DISC1: variants seen among roughly 807,000 people sequenced by gnomAD.
DISC1 encodes the protein DISC1 scaffold protein, also known as disrupted in schizophrenia 1 protein.
DISC1 carries 57 observed loss-of-function variants against 84.5 expected under a neutral mutation model. The ratio of observed to expected loss-of-function variants is 0.67; its 90% CI spans 0.55 to 0.84. DISC1 has a LOEUF of 0.84. Ranked by LOEUF, DISC1 falls within the 40% of genes least tolerant of loss-of-function variation. The pLI is 0.00. For missense variants in DISC1, 1,000 were observed against 1,057.8 expected (o/e 0.95, Z 0.76); for synonymous variants, 411 against 415.2 (o/e 0.99, Z 0.12).
intron 1 of DISC1, among the ~76,000 whole-genome samples, chr1:231,628,150 TA>T (rs1469163319): frequency 6.6e-6 from 1 of 152,194 alleles, no homozygotes; most frequent in Non-Finnish European, 1.5e-5. Context: ...GTAGGGCATT[TA>T]AAAACACATG....
intron 9 of DISC1, among the ~76,000 whole-genome samples, chr1:231,950,570 T>A (rs1658187206): frequency 6.6e-6 from 1 of 152,222 alleles, no homozygotes. Context: ...AGCTTTTTAC[T>A]GACCTGCTTT....
chr1:231,813,516 C>A (rs918096641), intron 8 of DISC1: 2 of 152,300 alleles, frequency 1.3e-5, no homozygotes, highest in African/African-American at 2.4e-5. Flanking sequence ...TCCTCAGCTT[C>A]CTTGACTTGG....
At chr1:231,922,273 G>A (rs1375329479) in intron 9 of DISC1, among the ~76,000 whole-genome samples, 1 of 152,192 alleles carries the variant, frequency 6.6e-6, no homozygotes, top group Non-Finnish European at 1.5e-5. Context: ...CATGCACCTT[G>A]TCTTAGATGT....
rs74144136 is a variant in DISC1 at position 231,807,315 on chromosome 1, G to C, written c.1792+7105G>C. Among the ~76,000 whole-genome samples the C allele has an allele frequency of 7.7e-3, 1,171 of 152,330 alleles. 12 individuals are homozygous for C. The highest frequency in any genetic ancestry group is 0.027 in the African/African-American group (1,112 of 41,560). ...TGAGGCCCGGCGAGTAGTCAAGGCT[G>C]GCTCTCTGATGCCTGGCTGCTCTGA... On this transcript the variant is annotated intron_variant, in intron 8 of 12. Coordinates refer to ENST00000439617, the MANE Select transcript of DISC1 (RefSeq NM_018662.3).
At chr1:231,649,937 A>G (rs569515043) in intron 1 of DISC1, among the ~76,000 whole-genome samples, 1 of 151,880 alleles carries the variant, frequency 6.6e-6, no homozygotes, top group Admixed American at 6.6e-5. Flanking sequence ...CCATCCCTTT[A>G]TTTTGAGCCT....
chr1:231,806,691 C>T (rs1340160547), intron 8 of DISC1, among the ~76,000 whole-genome samples: 1 of 152,234 alleles, frequency 6.6e-6, no homozygotes, highest in Non-Finnish European at 1.5e-5. Flanking sequence ...GCCCCAGACC[C>T]ACCTTGCTGA....
intron 3 of DISC1, among the ~76,000 whole-genome samples, chr1:231,727,974 G>T (rs2070971447): frequency 6.6e-6 from 1 of 151,906 alleles, no homozygotes; most frequent in Admixed American, 6.6e-5. Context: ...GGGTAGGGGG[G>T]TGGTAAGAAA....
At chr1:231,723,998 A>G in intron 3 of DISC1, 1 of 985,468 alleles carries the variant, frequency 1.0e-6, no homozygotes, top group Non-Finnish European at 1.2e-6. Flanking sequence ...TATACATAGA[A>G]CAAAAATGCA....
chr1:231,974,515 A>G (rs200337987), intron 10 of DISC1, among the ~76,000 whole-genome samples: 7 of 152,190 alleles, frequency 4.6e-5, no homozygotes, highest in African/African-American at 7.2e-5. Context: ...ATCTTTTCAC[A>G]TAGATTTTAA....
chr1:231,700,716 A>G (rs1572996108), intron 2 of DISC1, among the ~76,000 whole-genome samples: 1 of 152,344 alleles, frequency 6.6e-6, no homozygotes, highest in Middle Eastern at 3.4e-3. Context: ...TTACATCAAC[A>G]CAATACAAAC....
intron 4 of DISC1, among the ~76,000 whole-genome samples, chr1:231,761,717 A>G (rs1025379523): frequency 6.6e-6 from 1 of 152,262 alleles, no homozygotes; most frequent in Non-Finnish European, 1.5e-5. Context: ...TTGTACTATT[A>G]GCATAAGCAG....
chr1:231,724,671 T>A (rs1341425636), intron 3 of DISC1, among the ~76,000 whole-genome samples: 2 of 152,178 alleles, frequency 1.3e-5, no homozygotes, highest in African/African-American at 2.4e-5. Flanking sequence ...TAAGCAGTCT[T>A]CAATAGGAGA....
intron 9 of DISC1, chr1:231,944,961 C>CACAA (rs1165318254): frequency 1.3e-5 from 2 of 152,204 alleles, no homozygotes; most frequent in Admixed American, 1.3e-4. Context: ...TAGAGACCTA[C>CACAA]AAAGCGGCTT....
chr1:231,744,879 G>C (rs942421069), intron 3 of DISC1, among the ~76,000 whole-genome samples: 2 of 152,066 alleles, frequency 1.3e-5, no homozygotes, highest in Non-Finnish European at 2.9e-5. Flanking sequence ...ATTGTTTAAA[G>C]AGTATCTACA....
chr1:231,842,168 TA>T (rs1202758915), intron 9 of DISC1, among the ~76,000 whole-genome samples: 1 of 152,130 alleles, frequency 6.6e-6, no homozygotes, highest in Non-Finnish European at 1.5e-5. Flanking sequence ...GGCTAATTTT[TA>T]AAACATTTAT....
At chr1:231,668,261 A>G (rs1279995872) in intron 1 of DISC1, among the ~76,000 whole-genome samples, 1 of 152,112 alleles carries the variant, frequency 6.6e-6, no homozygotes, top group Non-Finnish European at 1.5e-5. Context: ...ACCCTAGGCA[A>G]ATTTTAAGTA....
chr1:231,848,897 G>A (rs988162561), intron 9 of DISC1, among the ~76,000 whole-genome samples: 1 of 152,084 alleles, frequency 6.6e-6, no homozygotes, highest in Non-Finnish European at 1.5e-5. Context: ...ACTCTGCAGT[G>A]TCTTGCACAT....
At chr1:231,679,947 G>T (rs915212427) in intron 1 of DISC1, among the ~76,000 whole-genome samples, 1 of 152,174 alleles carries the variant, frequency 6.6e-6, no homozygotes, top group Non-Finnish European at 1.5e-5. Context: ...AACTTACAAG[G>T]CCAGGCGCAG....
intron 12 of DISC1, among the ~76,000 whole-genome samples, chr1:232,028,045 A>G (rs1184619980): frequency 6.6e-6 from 1 of 152,190 alleles, no homozygotes; most frequent in Non-Finnish European, 1.5e-5. Flanking sequence ...TGTTCTTCAT[A>G]ATTTCCTGCC....
Sources: gnomAD v4.1 joint callset for allele counts (sites outside exome capture counted in the v4.1 genomes callset) on GRCh38, gnomAD v4.1.1 for gene constraint, MANE v1.5 for transcripts, NCBI Gene and HGNC (gene_info 2026-07-23, HGNC 2026-07-21) for gene names.